Variants in PCDHGB7 observed in about 807,000 individuals in gnomAD.
PCDHGB7 encodes protocadherin gamma-B7.
A neutral mutation model predicts 61.4 loss-of-function variants in PCDHGB7; 37 were observed. The ratio of observed to expected loss-of-function variants is 0.60; its 90% CI spans 0.46 to 0.79. The LOEUF (loss-of-function observed/expected upper bound fraction) is 0.79, where lower values mean the gene tolerates loss of function less well. PCDHGB7 is among the 30% of genes least tolerant of loss of function. The pLI, the probability that PCDHGB7 is intolerant of heterozygous loss-of-function variation, is 0.00. For missense variants in PCDHGB7, 1,166 were observed against 1,202.5 expected (o/e 0.97, Z 0.45); for synonymous variants, 464 against 503.5 (o/e 0.92, Z 1.05).
At chr5:141,464,024 G>A (rs2099074308) in intron 1 of PCDHGB7, among the ~76,000 whole-genome samples, 1 of 151,996 alleles carries the variant, frequency 6.6e-6, no homozygotes, top group East Asian at 1.9e-4. Context: ...CCACACTTTG[G>A]GAGGCCAAGG....
intron 1 of PCDHGB7, among the ~76,000 whole-genome samples, chr5:141,482,914 A>G (rs1023561837): frequency 6.6e-6 from 1 of 152,162 alleles, no homozygotes; most frequent in Non-Finnish European, 1.5e-5. Context: ...TCTATTAAAA[A>G]TACAAAAAAT....
At chr5:141,488,389 A>G (rs1322717951) in intron 1 of PCDHGB7, among the ~76,000 whole-genome samples, 1 of 152,224 alleles carries the variant, frequency 6.6e-6, no homozygotes, top group East Asian at 1.9e-4. Context: ...GAATTTGGTG[A>G]AACCATGAAA....
At chr5:141,430,781 C>T (rs559701152) in intron 1 of PCDHGB7, 6 of 1,510,922 alleles carry the variant, frequency 4.0e-6, no homozygotes, top group South Asian at 2.7e-5. Context: ...GCGACTGCAC[C>T]GGGACTACAA....
At chr5:141,427,635 C>T in intron 1 of PCDHGB7, 1 of 706,280 alleles carries the variant, frequency 1.4e-6, no homozygotes, top group African/African-American at 1.7e-5. Context: ...TCCGGTTTTC[C>T]ACCAAGTCTC....
chr5:141,473,476 A>G (rs1300050332), intron 1 of PCDHGB7, among the ~76,000 whole-genome samples: 15 of 151,558 alleles, frequency 9.9e-5, no homozygotes, highest in Admixed American at 9.2e-4. Context: ...GCCAAGTTCA[A>G]TGGAAAAAAT....
At position 141,419,206 on chromosome 5, in the gene PCDHGB7, G is replaced by A; in HGVS notation, c.1347G>A (p.Ala449=). The change falls in exon 1 of 4, where the codon GCG becomes GCA. Residue 449 remains alanine (A), a synonymous_variant. Transcript: ENST00000398594. Reference sequence around the variant, plus strand: ...ACATTACTGACGTCAATGACAACGCGCCGGTTTTCGGACAGTCAGCCTACC... The same window carrying A: ...ACATTACTGACGTCAATGACAACGCACCGGTTTTCGGACAGTCAGCCTACC... ...TLHITDVNDN[A]PVFGQSAYLV... 1.9e-6 allele frequency: 3 copies of A among 1,613,876 alleles called. No homozygotes were observed. Among genetic ancestry groups the A allele is most frequent in the Non-Finnish European group, 1.7e-6 (2 of 1,179,882 alleles).
At position 141,481,719 on chromosome 5, in the gene PCDHGB7, G is replaced by A. The variant is rs1055207250; in HGVS notation, c.2416-13088G>A. On this transcript the variant is annotated intron_variant, in intron 1 of 3. Coordinates refer to ENST00000398594, the MANE Select transcript of PCDHGB7 (RefSeq NM_018927.4). ...CTGTAATCCCAGCACTTTGGGAGGC[G>A]GAGGCGGGCGGATCACGAGGTCAGG... 5.3e-5 allele frequency among the ~76,000 whole-genome samples: 8 copies of A among 151,716 alleles called. No homozygotes were observed. In the East Asian group the frequency reaches 9.7e-4, roughly 18 times the overall value.
chr5:141,501,345 A>G (rs2099808580), intron 2 of PCDHGB7, among the ~76,000 whole-genome samples: 2 of 150,582 alleles, frequency 1.3e-5, no homozygotes, highest in East Asian at 1.9e-4. Context: ...CCCAAACTCA[A>G]TAGGGCAAGA....
rs2099697431 is a variant in PCDHGB7 at position 141,490,222 on chromosome 5, C to T, written c.2416-4585C>T. The T allele has an allele frequency of 6.2e-7, 1 of 1,614,094 alleles. No homozygotes were observed. Among genetic ancestry groups the T allele is most frequent in the African/African-American group, 1.3e-5 (1 of 74,934 alleles). On this transcript the variant is annotated intron_variant, in intron 1 of 3. Coordinates refer to ENST00000398594, the MANE Select transcript of PCDHGB7 (RefSeq NM_018927.4). This position sits in a 1 kb window ranked among gnomAD's most constrained non-coding sequence, Gnocchi z 5.4. The stretch of plus-strand genomic sequence containing the variant: ...TGCAAGAGCCCGTGACCAGGGACAG[C>T]CTGCCATGGAGGGCCACTGTGTGAT...
In PCDHGB7 at chr5:141,417,986, A is replaced by G. The variant is rs777967345; in HGVS notation, c.127A>G (p.Lys43Glu). Residue 43 changes from lysine (K) to glutamate (E), a missense_variant, in exon 1 of 4, where the codon AAG (lysine) becomes GAG (glutamate). By Grantham distance (56) the Lys-to-Glu change is moderately conservative. Coordinates refer to ENST00000398594, the MANE Select transcript of PCDHGB7 (RefSeq NM_018927.4). ...CTACTCGATTCCGGAGGAGCTGGCC[A>G]AGGGCTCGGTGGTGGGGAACCTCGC... ...IRYSIPEELA[K>E]GSVVGNLAKD... is the part of the protein sequence containing the mutation. The G allele has an allele frequency of 9.9e-6, 16 of 1,613,490 alleles. No individual in the cohort carries two copies. Among genetic ancestry groups the G allele is most frequent in the Non-Finnish European group, 1.4e-5 (16 of 1,179,718 alleles).
At chr5:141,479,964 A>G (rs188553800) in intron 1 of PCDHGB7, among the ~76,000 whole-genome samples, 1 of 152,330 alleles carries the variant, frequency 6.6e-6, no homozygotes, top group East Asian at 1.9e-4. Context: ...AGTTAGTCAA[A>G]TGAGGTTCTA....
intron 1 of PCDHGB7, among the ~76,000 whole-genome samples, chr5:141,443,876 G>C (rs2098409251): frequency 6.6e-6 from 1 of 152,152 alleles, no homozygotes; most frequent in South Asian, 2.1e-4. Flanking sequence ...TTACTGATAA[G>C]TCAAGAGAAA....
chr5:141,433,245 A>C, intron 1 of PCDHGB7: 3 of 1,459,776 alleles, frequency 2.1e-6, no homozygotes, highest in Non-Finnish European at 2.8e-6. Context: ...CCAAGCTGGA[A>C]TGCAGCGGTA....
At chr5:141,478,247 G>T in intron 1 of PCDHGB7, 1 of 1,614,076 alleles carries the variant, frequency 6.2e-7, no homozygotes, top group Non-Finnish European at 8.5e-7. Context: ...CACAGTGTTC[G>T]GAGTAATCAT....
intron 1 of PCDHGB7, among the ~76,000 whole-genome samples, chr5:141,457,745 G>T (rs1039982528): frequency 6.6e-6 from 1 of 152,232 alleles, no homozygotes; most frequent in Non-Finnish European, 1.5e-5. Flanking sequence ...TTTTAAAGCT[G>T]AGCCCAGACA....
At chr5:141,475,217 A>G (rs1053906682) in intron 1 of PCDHGB7, among the ~76,000 whole-genome samples, 4 of 152,196 alleles carry the variant, frequency 2.6e-5, no homozygotes, top group Non-Finnish European at 5.9e-5. Flanking sequence ...AGGATTGATC[A>G]AGTAAAGGGA....
chr5:141,451,576 C>G (rs997933491), intron 1 of PCDHGB7, among the ~76,000 whole-genome samples: 10 of 152,164 alleles, frequency 6.6e-5, no homozygotes, highest in Middle Eastern at 3.4e-3. Context: ...TTTTTATAAA[C>G]CTAATTTTGA....
intron 1 of PCDHGB7, among the ~76,000 whole-genome samples, chr5:141,438,019 G>A (rs1031334687): frequency 1.3e-5 from 2 of 152,104 alleles, no homozygotes; most frequent in Non-Finnish European, 2.9e-5. Context: ...GAGATTACAG[G>A]TGTGAGCCAC....
chr5:141,494,431 T>C (rs1403792155), intron 1 of PCDHGB7, among the ~76,000 whole-genome samples: 1 of 152,158 alleles, frequency 6.6e-6, no homozygotes, highest in Non-Finnish European at 1.5e-5. Context: ...TTGAAAAGCC[T>C]CCTTTGCCAC....
Sources: gnomAD v4.1 joint callset for allele counts (sites outside exome capture counted in the v4.1 genomes callset) on GRCh38, gnomAD v4.1.1 for gene constraint, Gnocchi (gnomAD v3.1) non-coding constraint, MANE v1.5 for transcripts, NCBI Gene and HGNC (gene_info 2026-07-23, HGNC 2026-07-21) for gene names.